MPP7: variants seen among roughly 807,000 people sequenced by gnomAD.
MPP7 encodes MAGUK p55 scaffold protein 7.
MPP7 carries 60 observed loss-of-function variants against 76.5 expected under a neutral mutation model. The ratio of observed to expected loss-of-function variants is 0.78; its 90% confidence interval spans 0.64 to 0.97. MPP7 has a LOEUF of 0.97. Ranked by LOEUF, MPP7 falls within the 50% of genes least tolerant of loss-of-function variation. The pLI is 0.00. For synonymous variants in MPP7, 237 were observed against 244.5 expected (o/e 0.97, Z 0.29); for missense variants, 641 against 694.0 (o/e 0.92, Z 0.86).
At position 28,257,489 on chromosome 10, in the gene MPP7, G is replaced by A. The variant is rs377035666; in HGVS notation, c.-131-18754C>T. ...AAATCATCATTCTCAGTAAACTATC[G>A]CAAGAACAAAAAACCAAACACCGCA... On this transcript the variant is annotated intron_variant, in intron 1 of 16. Transcript: ENST00000683449. 2.1e-4 allele frequency among the ~76,000 whole-genome samples: 32 copies of A among 149,110 alleles called. No individual in the cohort carries two copies. In the East Asian group the frequency reaches 4.4e-3, roughly 21 times the overall value.
chr10:28,258,009 C>G (rs1479866670), intron 1 of MPP7, among the ~76,000 whole-genome samples: 3 of 152,026 alleles, frequency 2.0e-5, no homozygotes, highest in Non-Finnish European at 4.4e-5. Context: ...TGACACCTTA[C>G]AGTACACAAA....
At chr10:28,170,196 T>C (rs1268530357) in intron 3 of MPP7, among the ~76,000 whole-genome samples, 2 of 152,136 alleles carry the variant, frequency 1.3e-5, no homozygotes, top group African/African-American at 4.8e-5. Context: ...TTTCTATTTA[T>C]GTATATGTTC....
chr10:28,274,988 A>G (rs896670466), intron 1 of MPP7, among the ~76,000 whole-genome samples: 1 of 152,204 alleles, frequency 6.6e-6, no homozygotes, highest in African/African-American at 2.4e-5. Context: ...AGTACATTCA[A>G]ATACTATAAT....
chr10:28,294,272 A>T (rs1840990413), intron 1 of MPP7, among the ~76,000 whole-genome samples: 1 of 152,170 alleles, frequency 6.6e-6, no homozygotes, highest in Non-Finnish European at 1.5e-5. Context: ...ACACCACTGC[A>T]CTCCAGCCTG....
intron 1 of MPP7, among the ~76,000 whole-genome samples, chr10:28,331,644 G>A (rs532784176): frequency 6.6e-6 from 1 of 152,068 alleles, no homozygotes; most frequent in Non-Finnish European, 1.5e-5. Context: ...GCATAATCTC[G>A]GCTCACTGCA....
chr10:28,162,037 A>T (rs1836279794), intron 3 of MPP7, among the ~76,000 whole-genome samples: 1 of 152,202 alleles, frequency 6.6e-6, no homozygotes, highest in South Asian at 2.1e-4. Context: ...GTCAAATTCT[A>T]CTACTCTGAA....
chr10:28,146,298 T>C (rs1166572235), intron 5 of MPP7, among the ~76,000 whole-genome samples: 2 of 152,116 alleles, frequency 1.3e-5, no homozygotes, highest in Non-Finnish European at 2.9e-5. Context: ...TACCCTCACA[T>C]CATTAATCAT....
intron 11 of MPP7, among the ~76,000 whole-genome samples, chr10:28,091,664 A>G (rs1276227512): frequency 2.6e-5 from 4 of 152,222 alleles, no homozygotes; most frequent in Admixed American, 2.0e-4. Flanking sequence ...TGTGGATTTT[A>G]GTGAATATAG....
At chr10:28,269,728 A>G (rs986998989) in intron 1 of MPP7, among the ~76,000 whole-genome samples, 4 of 151,742 alleles carry the variant, frequency 2.6e-5, no homozygotes, top group Admixed American at 6.6e-5. Context: ...GGGTTTCACA[A>G]TGTTGTCTAG....
chr10:28,112,640 A>G lies in MPP7; in HGVS notation c.952+7011T>C, dbSNP rs111537327. On this transcript the variant is annotated intron_variant, in intron 11 of 16. Coordinates refer to ENST00000683449, the MANE Select transcript of MPP7 (RefSeq NM_001318170.2). Reference sequence around the variant, plus strand: ...TCATGCTTAATGAACATCCAGTAAGAAAAGGAAACAGAATTTCTCAGACTT... The same window carrying G: ...TCATGCTTAATGAACATCCAGTAAGGAAAGGAAACAGAATTTCTCAGACTT... Among the ~76,000 whole-genome samples, 1,088 of 151,480 alleles carry G rather than the reference A, an allele frequency of 7.2e-3. 14 individuals carry two copies. Among genetic ancestry groups the G allele is most frequent in the African/African-American group, 0.025 (1,035 of 41,116 alleles).
intron 13 of MPP7, among the ~76,000 whole-genome samples, chr10:28,064,384 T>C (rs1851910150): frequency 1.3e-5 from 2 of 152,214 alleles, no homozygotes; most frequent in South Asian, 4.1e-4. Flanking sequence ...CCTATTTAGA[T>C]AACATACTAA....
At chr10:28,057,605 C>CTT (rs59550501) in intron 15 of MPP7, 5,375 of 122,470 alleles carry the variant, frequency 0.044, 1,054 homozygotes, top group East Asian at 0.35. Context: ...AATTAAACCT[C>CTT]TTTTTTTTTT....
intron 3 of MPP7, among the ~76,000 whole-genome samples, chr10:28,160,144 C>A (rs1836211031): frequency 6.6e-6 from 1 of 150,882 alleles, no homozygotes; most frequent in Admixed American, 6.6e-5. Context: ...CCAAACACCA[C>A]AATCTGCATA....
intron 12 of MPP7, among the ~76,000 whole-genome samples, chr10:28,081,750 TGG>T (rs1852770400): frequency 6.6e-6 from 1 of 150,492 alleles, no homozygotes; most frequent in Non-Finnish European, 1.5e-5. Flanking sequence ...TTGGAAACAC[TGG>T]GCAAAAAATT....
At chr10:28,178,682 T>C (rs928001960) in intron 3 of MPP7, among the ~76,000 whole-genome samples, 1 of 152,098 alleles carries the variant, frequency 6.6e-6, no homozygotes, top group Non-Finnish European at 1.5e-5. Flanking sequence ...TAAAGATTAA[T>C]ATCTATCTAA....
intron 11 of MPP7, among the ~76,000 whole-genome samples, chr10:28,106,048 T>C (rs537384755): frequency 4.6e-5 from 7 of 152,294 alleles, no homozygotes; most frequent in African/African-American, 1.4e-4. Context: ...CTTCTATAAT[T>C]GTCTGATGTA....
chr10:28,099,612 C>CTG (rs2078697694), intron 11 of MPP7, among the ~76,000 whole-genome samples: 1 of 152,104 alleles, frequency 6.6e-6, no homozygotes, highest in Non-Finnish European at 1.5e-5. Context: ...CGAGGCTAGC[C>CTG]TGACCAACAT....
intron 5 of MPP7, among the ~76,000 whole-genome samples, chr10:28,134,573 T>C (rs1835296351): frequency 6.6e-6 from 1 of 152,168 alleles, no homozygotes; most frequent in Non-Finnish European, 1.5e-5. Flanking sequence ...ACAAGAGTTT[T>C]AATGGGGAAG....
chr10:28,143,876 TG>T (rs1835613730), intron 5 of MPP7, among the ~76,000 whole-genome samples: 1 of 143,566 alleles, frequency 7.0e-6, no homozygotes, highest in Non-Finnish European at 1.5e-5. Context: ...TGTGTGTGTG[TG>T]TGTGTGTGTG....
Sources: allele counts gnomAD v4.1 joint callset (sites outside exome capture counted in the v4.1 genomes callset), GRCh38; gene constraint gnomAD v4.1.1; transcripts MANE v1.5; gene names NCBI Gene and HGNC (gene_info 2026-07-23, HGNC 2026-07-21).